The following CCSER1 variants were observed in gnomAD, a reference collection of about 807,000 sequenced individuals.
The protein encoded by CCSER1 is coiled-coil serine rich protein 1, also known as serine-rich coiled-coil domain-containing protein 1.
CCSER1 carries 41 observed loss-of-function variants against 82.0 expected under a neutral mutation model. The observed-to-expected ratio is 0.50, with a 90% CI of 0.39 to 0.65. The LOEUF (loss-of-function observed/expected upper bound fraction) is 0.65, where lower values mean the gene tolerates loss of function less well. Among genes scored for constraint, CCSER1 ranks in the 30% least tolerant of loss-of-function variants. The pLI is 0.00. For missense variants in CCSER1, 1,119 were observed against 1,064.2 expected (o/e 1.05, Z -0.72); for synonymous variants, 414 against 383.9 (o/e 1.08, Z -0.92).
rs576453719 is a variant in CCSER1 at position 90,751,791 on chromosome 4, T to C, written c.2010+27800T>C. On this transcript the variant is annotated intron_variant, in intron 7 of 10. Coordinates refer to ENST00000509176, the MANE Select transcript of CCSER1 (RefSeq NM_001145065.2). ...CTTTTTCTTAACAACAAAGCATTAT[T>C]TTACATCTGTGTTTATATTTTAGAC... Among the ~76,000 whole-genome samples the C allele has an allele frequency of 1.2e-4, 18 of 152,202 alleles. 1 individual carries two copies. The South Asian group carries it at 3.3e-3, about 28-fold the overall frequency.
At chr4:91,298,896 T>C (rs1744441307) in intron 10 of CCSER1, among the ~76,000 whole-genome samples, 1 of 151,892 alleles carries the variant, frequency 6.6e-6, no homozygotes, top group African/African-American at 2.4e-5. Context: ...AAATCAACCA[T>C]ATGTTTTAGC....
At chr4:90,499,122 G>A (rs1337909368) in intron 5 of CCSER1, among the ~76,000 whole-genome samples, 1 of 151,998 alleles carries the variant, frequency 6.6e-6, no homozygotes, top group Non-Finnish European at 1.5e-5. Flanking sequence ...ATATGTGTGT[G>A]TGTGTGTGTG....
chr4:90,463,373 T>C (rs537663990), intron 4 of CCSER1, among the ~76,000 whole-genome samples: 90 of 152,288 alleles, frequency 5.9e-4, no homozygotes, highest in African/African-American at 2.1e-3. Context: ...GAGAAATAGA[T>C]CAAATTTGGG....
intron 4 of CCSER1, among the ~76,000 whole-genome samples, chr4:90,467,815 G>A (rs1245113376): frequency 6.6e-6 from 1 of 152,194 alleles, no homozygotes; most frequent in African/African-American, 2.4e-5. Context: ...GTTAAGTTCA[G>A]AGGTTCCAGT....
At chr4:90,898,212 A>G (rs1021361520) in intron 8 of CCSER1, among the ~76,000 whole-genome samples, 2 of 139,096 alleles carry the variant, frequency 1.4e-5, no homozygotes, top group Non-Finnish European at 3.1e-5. Flanking sequence ...AGTTTTTCCT[A>G]GATTTTCTTC....
intron 10 of CCSER1, among the ~76,000 whole-genome samples, chr4:91,221,801 A>G (rs1185741069): frequency 6.6e-6 from 1 of 152,134 alleles, no homozygotes; most frequent in Non-Finnish European, 1.5e-5. Flanking sequence ...TGCTGGAAAC[A>G]GTCCATTAAT....
At chr4:91,537,036 A>C (rs1333975491) in intron 10 of CCSER1, among the ~76,000 whole-genome samples, 1 of 152,072 alleles carries the variant, frequency 6.6e-6, no homozygotes, top group Non-Finnish European at 1.5e-5. Flanking sequence ...AAATACATTT[A>C]TCTTCCATTT....
intron 4 of CCSER1, among the ~76,000 whole-genome samples, chr4:90,450,731 G>T (rs977304097): frequency 1.3e-5 from 2 of 152,142 alleles, no homozygotes; most frequent in Non-Finnish European, 2.9e-5. Flanking sequence ...CCCCCATTCT[G>T]GGACTAGAGA....
intron 5 of CCSER1, among the ~76,000 whole-genome samples, chr4:90,613,545 A>G (rs1579476483): frequency 6.6e-6 from 1 of 152,158 alleles, no homozygotes; most frequent in African/African-American, 2.4e-5. Context: ...AAAGATTCAC[A>G]CTTCTGGGAA....
chr4:90,538,304 G>A (rs1253890680), intron 5 of CCSER1, among the ~76,000 whole-genome samples: 1 of 151,956 alleles, frequency 6.6e-6, no homozygotes, highest in African/African-American at 2.4e-5. Flanking sequence ...TATAAGATAT[G>A]CTTGAATAAT....
At chr4:90,307,078 A>G (rs1734411305) in intron 1 of CCSER1, among the ~76,000 whole-genome samples, 1 of 152,126 alleles carries the variant, frequency 6.6e-6, no homozygotes, top group Admixed American at 6.5e-5. Flanking sequence ...TGGCTGAATG[A>G]CATTATGCAA....
At chr4:90,590,472 C>T (rs142422903) in intron 5 of CCSER1, among the ~76,000 whole-genome samples, 10,465 of 151,678 alleles carry the variant, frequency 0.069, 1,145 homozygotes, top group African/African-American at 0.23. Context: ...CTCAGCTACT[C>T]GGGAGGCTGA....
At chr4:90,839,651 A>T (rs947191020) in intron 8 of CCSER1, among the ~76,000 whole-genome samples, 2 of 152,198 alleles carry the variant, frequency 1.3e-5, no homozygotes, top group Non-Finnish European at 1.5e-5. Context: ...AATTACCCTA[A>T]AAGAGAGACT....
Position 90,271,852 on chromosome 4 carries a change from ATATATATATATTTTTTTTTTT to A in CCSER1, c.-41-36390_-41-36370del, listed in dbSNP as rs1467466278. Among the ~76,000 whole-genome samples the A allele has an allele frequency of 2.0e-3, 49 of 24,426 alleles. 3 individuals are homozygous for A. Among genetic ancestry groups the A allele is most frequent in the African/African-American group, 0.019 (46 of 2,442 alleles). The allele number at this position is 24,426 out of a possible 152,430, so 16.0% of individuals were successfully genotyped here. On this transcript the variant is annotated intron_variant, in intron 1 of 10. Coordinates refer to ENST00000509176, the MANE Select transcript of CCSER1 (RefSeq NM_001145065.2). ...TATATATATATATATATATATATAT[ATATATATATATTTTTTTTTTT>A]TTTTTTTTTTTTTTTTTAAAAGGAG...
chr4:90,904,984 C>T (rs1725243873), intron 8 of CCSER1, among the ~76,000 whole-genome samples: 1 of 152,084 alleles, frequency 6.6e-6, no homozygotes, highest in Non-Finnish European at 1.5e-5. Context: ...ATCAACCAGC[C>T]TCCCATTTGC....
At chr4:91,430,863 A>T (rs1560664652) in intron 10 of CCSER1, among the ~76,000 whole-genome samples, 1 of 152,220 alleles carries the variant, frequency 6.6e-6, no homozygotes, top group Non-Finnish European at 1.5e-5. Flanking sequence ...TTAATGATGG[A>T]AATCCTCTAG....
intron 4 of CCSER1, among the ~76,000 whole-genome samples, chr4:90,411,015 G>GA (rs1754686318): frequency 6.6e-6 from 1 of 152,138 alleles, no homozygotes; most frequent in South Asian, 2.1e-4. Context: ...AAATAAACTA[G>GA]AAAATCTAGA....
At chr4:91,596,593 T>C (rs1412916421) in intron 10 of CCSER1, among the ~76,000 whole-genome samples, 1 of 152,016 alleles carries the variant, frequency 6.6e-6, no homozygotes, top group Non-Finnish European at 1.5e-5. Context: ...CCTAGAGTAT[T>C]GGGAAAGAGC....
intron 10 of CCSER1, among the ~76,000 whole-genome samples, chr4:91,472,808 T>A (rs1486327039): frequency 6.6e-6 from 1 of 152,166 alleles, no homozygotes; most frequent in African/African-American, 2.4e-5. Context: ...GAGACTCTCA[T>A]AAAAAATCAT....
Sources: gnomAD v4.1 joint callset for allele counts (sites outside exome capture counted in the v4.1 genomes callset) on GRCh38, gnomAD v4.1.1 for gene constraint, MANE v1.5 for transcripts, NCBI Gene and HGNC (gene_info 2026-07-23, HGNC 2026-07-21) for gene names.